COG2: variants seen among roughly 807,000 people sequenced by gnomAD.
COG2 encodes component of oligomeric golgi complex 2, also known as conserved oligomeric Golgi complex subunit 2.
A neutral mutation model predicts 90.6 loss-of-function variants in COG2; 52 were observed. The ratio of observed to expected loss-of-function variants is 0.57; its 90% confidence interval spans 0.46 to 0.72. The LOEUF is 0.72. Ranked by LOEUF, COG2 falls within the 30% of genes least tolerant of loss-of-function variation. COG2 has a pLI of 0.00. For synonymous variants in COG2, 337 were observed against 320.4 expected (o/e 1.05, Z -0.55); for missense variants, 829 against 891.2 (o/e 0.93, Z 0.89).
At chr1:230,651,306 T>A (rs974627348) in intron 1 of COG2, among the ~76,000 whole-genome samples, 6 of 152,142 alleles carry the variant, frequency 3.9e-5, no homozygotes, top group African/African-American at 1.4e-4. Context: ...GCTTGGAGAA[T>A]TTTGCTCTTC....
intron 1 of COG2, among the ~76,000 whole-genome samples, chr1:230,653,107 C>G (rs1295057705): frequency 1.3e-5 from 2 of 152,128 alleles, no homozygotes; most frequent in African/African-American, 4.8e-5. Flanking sequence ...ATTTATTTGT[C>G]TTATAACTGA....
intron 17 of COG2, among the ~76,000 whole-genome samples, chr1:230,692,563 C>T (rs1310966405): frequency 6.6e-6 from 1 of 151,676 alleles, no homozygotes; most frequent in Non-Finnish European, 1.5e-5. Flanking sequence ...GTTATAGAAA[C>T]GTGAAGAGCC....
chr1:230,659,572 G>T lies in COG2; in HGVS notation c.181G>T (p.Val61Phe). The T allele has an allele frequency of 6.2e-7, 1 of 1,614,052 alleles. No individual in the cohort carries two copies. The change falls in exon 2 of 18, where the codon GTC becomes TTC. Residue 61 changes from valine (V) to phenylalanine (F), a missense_variant. Coordinates refer to ENST00000366669, the MANE Select transcript of COG2 (RefSeq NM_007357.3). The stretch of plus-strand genomic sequence containing the variant: ...CTATAAACTTCTTAAAACAGCCATG[G>T]TCGAACTCATCAACAAGGATTATGC... ...LYYKLLKTAM[V>F]ELINKDYADF... is the part of the protein sequence containing the mutation.
At position 230,663,220 on chromosome 1, in the gene COG2, A is replaced by G; in HGVS notation, c.380A>G (p.Lys127Arg). ...MSKQEDIRKK[K>R]MCVLRLIQVI... ...AAACAAGAGGACATTAGGAAAAAAAAGGTATACTCAAATATTACAATATTA... is the reference window on the plus strand; with the variant it reads ...AAACAAGAGGACATTAGGAAAAAAAGGGTATACTCAAATATTACAATATTA... Residue 127 changes from lysine to arginine, a missense_variant and splice_region_variant, in exon 4 of 18, where the codon AAG becomes AGG. Physicochemically the swap from Lys to Arg is conservative, Grantham distance 26. Coordinates refer to ENST00000366669, the MANE Select transcript of COG2 (RefSeq NM_007357.3). 1 of 1,608,866 alleles carries G rather than the reference A, an allele frequency of 6.2e-7. No homozygotes were observed. The highest frequency in any genetic ancestry group is 8.5e-7 in the Non-Finnish European group (1 of 1,177,078).
rs772855175 is a variant in COG2, at chr1:230,678,900, T to C, written c.1027-13T>C. 1.2e-6 allele frequency: 2 copies of C among 1,605,888 alleles called. No homozygotes were observed. The highest frequency in any genetic ancestry group is 1.7e-6 in the Non-Finnish European group (2 of 1,176,092). On this transcript the variant is annotated splice_polypyrimidine_tract_variant and intron_variant, in intron 9 of 17. Transcript: ENST00000366669. ...GTTCTAATAATGAAAATTTTCCTTT[T>C]GTTTTATTTTAGAAATATACCATAA...
intron 9 of COG2, among the ~76,000 whole-genome samples, chr1:230,675,615 G>GT (rs935910645): frequency 1.3e-5 from 2 of 151,886 alleles, no homozygotes; most frequent in Non-Finnish European, 2.9e-5. Flanking sequence ...ATATTTATTT[G>GT]TTTTTTTAAT....
intron 9 of COG2, among the ~76,000 whole-genome samples, chr1:230,677,464 T>A (rs1662627477): frequency 6.6e-6 from 1 of 152,226 alleles, no homozygotes; most frequent in South Asian, 2.1e-4. Flanking sequence ...GTTGGCTGAT[T>A]GTCCCATGTT....
At chr1:230,653,280 G>C (rs1661959024) in intron 1 of COG2, among the ~76,000 whole-genome samples, 1 of 151,068 alleles carries the variant, frequency 6.6e-6, no homozygotes, top group Non-Finnish European at 1.5e-5. Context: ...GAGTGCAGTG[G>C]CACCATCTTG....
At chr1:230,692,267 C>T (rs1020594300) in intron 17 of COG2, among the ~76,000 whole-genome samples, 2 of 149,936 alleles carry the variant, frequency 1.3e-5, no homozygotes, top group Non-Finnish European at 3.0e-5. Context: ...GGCCTTTCCA[C>T]AGGGAAAAAA....
At chr1:230,686,349 A>G (rs1283980843) in intron 12 of COG2, among the ~76,000 whole-genome samples, 3 of 152,198 alleles carry the variant, frequency 2.0e-5, no homozygotes, top group African/African-American at 4.8e-5. Flanking sequence ...CGATTATTCA[A>G]TTAGGCTAAG....
chr1:230,660,820 T>C lies in COG2; in HGVS notation c.297T>C (p.Val99=). 1 of 1,575,544 alleles carries C rather than the reference T, an allele frequency of 6.3e-7. No individual in the cohort carries two copies. Among genetic ancestry groups the C allele is most frequent in the South Asian group, 1.2e-5 (1 of 85,224 alleles). The change falls in exon 3 of 18, where the codon GTT becomes GTC. Residue 99 remains valine (V), a synonymous_variant. Coordinates refer to ENST00000366669, the MANE Select transcript of COG2 (RefSeq NM_007357.3). ...CTTTGGGACAATTACGAGAAGAGGT[T>C]CTGGTAAGTTTCCCGAATAACATCA... ...SVPLGQLREE[V]LSLRSSVSEG... is the part of the protein sequence containing the mutation.
intron 7 of COG2, chr1:230,671,307 C>T (rs1289080842): frequency 9.3e-6 from 3 of 321,036 alleles, no homozygotes; most frequent in African/African-American, 4.4e-5. Context: ...CCCATGTCTC[C>T]CCCACAGTTG....
chr1:230,646,052 T>G (rs1184791272), intron 1 of COG2, among the ~76,000 whole-genome samples: 1 of 152,062 alleles, frequency 6.6e-6, no homozygotes, highest in Non-Finnish European at 1.5e-5. Context: ...GCCCTCTCCC[T>G]TCTCAGGACC....
At position 230,668,956 on chromosome 1, in the gene COG2, G is replaced by A. The variant is rs879314844; in HGVS notation, c.594+172G>A. 4.7e-5 allele frequency: 24 copies of A among 506,224 alleles called. No individual in the cohort carries two copies. The Admixed American group carries it at 6.4e-4, about 13-fold the overall frequency. 31.4% of individuals were successfully genotyped at this position (506,224 alleles called of 1,614,324 possible). A position where few individuals can be genotyped will look rare whatever the true frequency, so the allele number is the denominator to read the frequency against. On this transcript the variant is annotated intron_variant, in intron 6 of 17. Transcript: ENST00000366669. ...CTAAGTGTCACACATTATAGATTTT[G>A]TGTAAAGACTCAGTCACATTCTCCA...
intron 1 of COG2, among the ~76,000 whole-genome samples, chr1:230,643,233 C>G (rs1248349248): frequency 6.6e-6 from 1 of 152,206 alleles, no homozygotes. Flanking sequence ...AGTTGCTCTA[C>G]TTTTTACGTG....
At chr1:230,675,929 T>A (rs948646590) in intron 9 of COG2, among the ~76,000 whole-genome samples, 1 of 152,136 alleles carries the variant, frequency 6.6e-6, no homozygotes, top group African/African-American at 2.4e-5. Context: ...TGCTAGGATT[T>A]CAGCCCCCAT....
chr1:230,662,141 T>TA (rs1441729285), intron 3 of COG2, among the ~76,000 whole-genome samples: 1 of 152,164 alleles, frequency 6.6e-6, no homozygotes, highest in African/African-American at 2.4e-5. Context: ...CTGCAGGCTC[T>TA]AGTCTTTTCC....
rs34109129 is a variant in COG2 at position 230,688,533 on chromosome 1, G to C, written c.1765G>C (p.Val589Leu). ...CFGFLKSALE[V>L]PRLYRRTNKE... is the part of the protein sequence containing the mutation. The stretch of plus-strand genomic sequence containing the variant: ...CGGTTTCCTAAAAAGCGCCCTGGAG[G>C]TTCCCAGGCTTTACCGAAGAACCAA... Residue 589 changes from valine (V) to leucine (L), a missense_variant, in exon 15 of 18, where the codon GTT (valine) becomes CTT (leucine). By Grantham distance (32) the Val-to-Leu change is conservative (BLOSUM62 1). Coordinates refer to ENST00000366669, the MANE Select transcript of COG2 (RefSeq NM_007357.3). The C allele has an allele frequency of 5.6e-6, 9 of 1,613,982 alleles. No individual in the cohort carries two copies. The highest frequency in any genetic ancestry group is 7.6e-6 in the Non-Finnish European group (9 of 1,180,020).
chr1:230,658,723 G>C (rs893340469), intron 1 of COG2, among the ~76,000 whole-genome samples: 3 of 152,230 alleles, frequency 2.0e-5, no homozygotes, highest in Non-Finnish European at 2.9e-5. Flanking sequence ...GACTGGGGCT[G>C]CTGCCTTTTT....
Sources: allele counts gnomAD v4.1 joint callset (sites outside exome capture counted in the v4.1 genomes callset), GRCh38; gene constraint gnomAD v4.1.1; transcripts MANE v1.5; gene names NCBI Gene and HGNC (gene_info 2026-07-23, HGNC 2026-07-21).